The following ADARB2 variants were observed in gnomAD, a reference collection of about 807,000 sequenced individuals.
ADARB2 encodes the protein inactive double-stranded RNA-specific editase B2.
A neutral mutation model predicts 62.2 loss-of-function variants in ADARB2; 25 were observed. That is an observed-to-expected ratio of 0.40 (90% CI 0.29 to 0.56). The LOEUF is 0.56. ADARB2 is among the 20% of genes least tolerant of loss of function. The probability of loss-of-function intolerance (pLI) is 0.43; values close to 1 mark genes in which losing one functional copy is unlikely to be tolerated. For missense variants in ADARB2, 1,071 were observed against 1,077.4 expected (o/e 0.99, Z 0.08); for synonymous variants, 572 against 500.8 (o/e 1.14, Z -1.90).
At chr10:1,715,672 T>G (rs985769630) in intron 1 of ADARB2, among the ~76,000 whole-genome samples, 1 of 152,186 alleles carries the variant, frequency 6.6e-6, no homozygotes, top group Non-Finnish European at 1.5e-5. Context: ...CAGTTGAAAC[T>G]AAACCCATTA....
chr10:1,254,137 G>C (rs570562098), intron 4 of ADARB2, among the ~76,000 whole-genome samples: 1 of 151,468 alleles, frequency 6.6e-6, no homozygotes, highest in Admixed American at 6.6e-5. Context: ...AGTGGATTCC[G>C]TGGTTAGAAT....
chr10:1,471,326 C>T (rs952655823), intron 1 of ADARB2, among the ~76,000 whole-genome samples: 3 of 152,178 alleles, frequency 2.0e-5, no homozygotes. Context: ...GGGACGGCAG[C>T]TAATTGCCCT....
chr10:1,241,051 AC>A (rs1411991790), intron 5 of ADARB2, among the ~76,000 whole-genome samples: 1 of 152,030 alleles, frequency 6.6e-6, no homozygotes. Flanking sequence ...TAGGGTGACC[AC>A]TTGAGGTTAG....
intron 1 of ADARB2, among the ~76,000 whole-genome samples, chr10:1,646,317 C>T (rs1186334511): frequency 6.6e-6 from 1 of 152,204 alleles, no homozygotes; most frequent in African/African-American, 2.4e-5. Flanking sequence ...GCTCAAGCCC[C>T]CATGCACACC....
At chr10:1,523,922 G>C (rs1415748197) in intron 1 of ADARB2, among the ~76,000 whole-genome samples, 1 of 152,122 alleles carries the variant, frequency 6.6e-6, no homozygotes, top group Non-Finnish European at 1.5e-5. Flanking sequence ...AACCTGATCT[G>C]TCTACTCAAT....
At chr10:1,669,149 G>T (rs1834348886) in intron 1 of ADARB2, among the ~76,000 whole-genome samples, 1 of 152,202 alleles carries the variant, frequency 6.6e-6, no homozygotes, top group Non-Finnish European at 1.5e-5. Context: ...GCAGGGTGAG[G>T]TGGTACCTCC....
At chr10:1,400,331 C>T (rs1040310374) in intron 1 of ADARB2, among the ~76,000 whole-genome samples, 1 of 152,202 alleles carries the variant, frequency 6.6e-6, no homozygotes, top group Non-Finnish European at 1.5e-5. Flanking sequence ...TTAGCAAACA[C>T]ACCTCAGGGC....
chr10:1,261,538 C>A (rs1429211489), intron 4 of ADARB2, among the ~76,000 whole-genome samples: 2 of 150,354 alleles, frequency 1.3e-5, no homozygotes, highest in Non-Finnish European at 2.9e-5. Flanking sequence ...AGCCAAAAGA[C>A]ACATGAAAAA....
intron 1 of ADARB2, among the ~76,000 whole-genome samples, chr10:1,532,574 A>AG (rs1832260057): frequency 6.6e-6 from 1 of 152,092 alleles, no homozygotes; most frequent in Non-Finnish European, 1.5e-5. Context: ...AGTGGCTCTC[A>AG]GGGGTCAGGC....
intron 8 of ADARB2, among the ~76,000 whole-genome samples, chr10:1,199,258 T>C (rs550902459): frequency 4.7e-5 from 7 of 150,138 alleles, no homozygotes; most frequent in Non-Finnish European, 7.4e-5. Flanking sequence ...AGGAGTCGCC[T>C]CCTGTCAGTG....
intron 1 of ADARB2, among the ~76,000 whole-genome samples, chr10:1,722,048 G>A (rs1835099960): frequency 6.6e-6 from 1 of 152,174 alleles, no homozygotes; most frequent in African/African-American, 2.4e-5. Flanking sequence ...TATGTAAAAC[G>A]ACTTTATAAG....
At chr10:1,443,268 G>T (rs1000362939) in intron 1 of ADARB2, among the ~76,000 whole-genome samples, 4 of 152,110 alleles carry the variant, frequency 2.6e-5, no homozygotes, top group African/African-American at 9.7e-5. Context: ...ATTTCATGTG[G>T]GAGAATGTGA....
At chr10:1,478,740 G>T (rs111411816) in intron 1 of ADARB2, among the ~76,000 whole-genome samples, 1 of 136,262 alleles carries the variant, frequency 7.3e-6, no homozygotes, top group Admixed American at 7.3e-5. Context: ...ACGGGAGAGC[G>T]CCAAAACAAG....
At position 1,293,421 on chromosome 10, in the gene ADARB2, CCCGT is replaced by C. The variant is rs534917758; in HGVS notation, c.1078-22356_1078-22353del. On this transcript the variant is annotated intron_variant, in intron 3 of 9. Transcript: ENST00000381312. ...TACTCTTCATGTGGTCTGTTTTAGC[CCCGT>C]CCTCCTCTGCCTTTCTTCTTGTGTG... Among the ~76,000 whole-genome samples the C allele has an allele frequency of 1.1e-3, 63 of 56,512 alleles. No individual in the cohort carries two copies. The East Asian group carries it at 0.027, about 24-fold the overall frequency. 37.1% of individuals were successfully genotyped at this position (56,512 alleles called of 152,430 possible).
intron 2 of ADARB2, among the ~76,000 whole-genome samples, chr10:1,377,136 G>A (rs1295926029): frequency 7.4e-6 from 1 of 135,442 alleles, no homozygotes; most frequent in Non-Finnish European, 1.6e-5. Context: ...GCGTCCCTGG[G>A]GTGTGTGTGT....
chr10:1,185,337 T>C (rs1360729260), intron 8 of ADARB2, among the ~76,000 whole-genome samples: 1 of 152,072 alleles, frequency 6.6e-6, no homozygotes, highest in East Asian at 1.9e-4. Flanking sequence ...CTGTAAATAT[T>C]AGTTGAGTGA....
intron 1 of ADARB2, among the ~76,000 whole-genome samples, chr10:1,437,446 C>T (rs950525830): frequency 3.9e-5 from 6 of 152,096 alleles, no homozygotes; most frequent in African/African-American, 7.2e-5. Flanking sequence ...GACTAAGAAG[C>T]GACTCCAGCC....
At chr10:1,256,435 A>G (rs1449905432) in intron 4 of ADARB2, among the ~76,000 whole-genome samples, 1 of 152,194 alleles carries the variant, frequency 6.6e-6, no homozygotes, top group Admixed American at 6.5e-5. Flanking sequence ...AGGGGCCTGA[A>G]TGGCGCCTGC....
chr10:1,531,770 G>A (rs1428482776), intron 1 of ADARB2, among the ~76,000 whole-genome samples: 1 of 152,128 alleles, frequency 6.6e-6, no homozygotes, highest in African/African-American at 2.4e-5. Flanking sequence ...CCCGGAGGCG[G>A]AGGTTGCAGT....
Sources: allele counts gnomAD v4.1 joint callset (sites outside exome capture counted in the v4.1 genomes callset), GRCh38; gene constraint gnomAD v4.1.1; transcripts MANE v1.5; gene names NCBI Gene and HGNC (gene_info 2026-07-23, HGNC 2026-07-21).